Variants in BICRA observed in about 807,000 individuals in gnomAD.
The protein encoded by BICRA is BRD4 interacting chromatin remodeling complex associated protein.
A neutral mutation model predicts 96.9 loss-of-function variants in BICRA; 31 were observed. The observed-to-expected ratio is 0.32, with a 90% CI of 0.24 to 0.43. BICRA has a LOEUF of 0.43. Ranked by LOEUF, BICRA falls within the 20% of genes least tolerant of loss-of-function variation. The pLI is 1.00. For synonymous variants in BICRA, 1,350 were observed against 1,071.8 expected (o/e 1.26, Z -5.07); for missense variants, 2,283 against 2,190.3 (o/e 1.04, Z -0.84).
intron 11 of BICRA, among the ~76,000 whole-genome samples, chr19:47,697,997 G>T (rs965495910): frequency 6.6e-6 from 1 of 152,230 alleles, no homozygotes; most frequent in African/African-American, 2.4e-5. Context: ...GTGAGCCTCT[G>T]CTTGGCCTAG....
Position 47,701,765 on chromosome 19 carries a change from C to A in BICRA, c.4033C>A (p.Pro1345Thr), listed in dbSNP as rs746050007. The change falls in exon 15 of 15, where the codon CCC becomes ACC. Residue 1345 changes from proline to threonine, a missense_variant. Physicochemically the swap from Pro to Thr is conservative, Grantham distance 38 (BLOSUM62 -1). Transcript: ENST00000594866. The surrounding 1 kb of genome is among the most constrained non-coding windows in gnomAD (Gnocchi z 5.4). Reference sequence around the variant, plus strand: ...CCCCGCTACCCTCAAGGTGGCCGAGCCCCCGCCACGGCCGCCACCACCACC... The same window carrying A: ...CCCCGCTACCCTCAAGGTGGCCGAGACCCCGCCACGGCCGCCACCACCACC... ...PPPATLKVAEPPPRPPPPPPP... is the reference protein window; with the variant it reads ...PPPATLKVAETPPRPPPPPPP... 2 of 1,537,284 alleles carry A rather than the reference C, an allele frequency of 1.3e-6. No homozygotes were observed. Among genetic ancestry groups the A allele is most frequent in the African/African-American group, 2.8e-5 (2 of 72,586 alleles).
At chr19:47,700,087 G>C (rs1162113945) in intron 14 of BICRA, 2 of 152,562 alleles carry the variant, frequency 1.3e-5, no homozygotes, top group East Asian at 3.9e-4. Flanking sequence ...GGGTAGGAGA[G>C]GAAGGGTAGT....
In BICRA at chr19:47,675,981, A is replaced by C; in HGVS notation, c.150+65A>C. 3 of 1,130,404 alleles carry C rather than the reference A, an allele frequency of 2.7e-6. No individual in the cohort carries two copies. The highest frequency in any genetic ancestry group is 3.9e-6 in the Non-Finnish European group (3 of 777,516). The allele number at this position is 1,130,404 out of a possible 1,614,324, so 70.0% of individuals were successfully genotyped here. ...GGCTGCCAGCGGGAGGAGGGCCCTG[A>C]AGCCAAGAGGGGAGGCTTGGGCTCA... On this transcript the variant is annotated intron_variant, in intron 5 of 14. Transcript: ENST00000594866. The surrounding 1 kb of genome is among the most constrained non-coding windows in gnomAD (Gnocchi z 4.7).
At chr19:47,663,093 T>C (rs532647188) in intron 1 of BICRA, 32 of 152,298 alleles carry the variant, frequency 2.1e-4, no homozygotes, top group African/African-American at 6.5e-4. Flanking sequence ...TGAAGAGTTA[T>C]GAAGAGTACA....
intron 1 of BICRA, among the ~76,000 whole-genome samples, chr19:47,625,061 G>A (rs777911824): frequency 3.6e-4 from 49 of 136,818 alleles, no homozygotes; most frequent in Admixed American, 1.8e-3. Flanking sequence ...GTGCAGTGAC[G>A]TGATCTCAGC....
chr19:47,695,426 T>C lies in BICRA; in HGVS notation c.3138T>C (p.Asn1046=), dbSNP rs1599866935. The C allele has an allele frequency of 1.3e-6, 2 of 1,515,810 alleles. No individual in the cohort carries two copies. The highest frequency in any genetic ancestry group is 2.7e-5 in the East Asian group (1 of 37,580). The allele number at this position is 1,515,810 out of a possible 1,614,324, so 93.9% of individuals were successfully genotyped here. The change falls in exon 10 of 15, where the codon AAT becomes AAC. Residue 1046 remains asparagine (N), a synonymous_variant. Transcript: ENST00000594866. ...TTGCCAGCAACCTCCCGACCCTGAATGTGGCCAAGGCCGCTTCCTCCGGGC... is the reference window on the plus strand; with the variant it reads ...TTGCCAGCAACCTCCCGACCCTGAACGTGGCCAAGGCCGCTTCCTCCGGGC... ...KAFASNLPTL[N]VAKAASSGPG...
intron 1 of BICRA, among the ~76,000 whole-genome samples, chr19:47,622,092 G>A (rs748170712): frequency 7.3e-5 from 11 of 151,644 alleles, no homozygotes; most frequent in Non-Finnish European, 1.2e-4. Flanking sequence ...TCAGCCTCCC[G>A]AGTAGCTGGG....
At position 47,679,919 on chromosome 19, in the gene BICRA, C is replaced by G. The variant is rs1276568723; in HGVS notation, c.749C>G (p.Ser250Cys). ...QPVMALNTPT[S>C]QLLAKQVPVS... ...GTCATGGCGCTCAACACGCCCACCT[C>G]CCAGCTCCTGGCCAAGCAGGTGCCC... The change falls in exon 6 of 15, where the codon TCC (serine) becomes TGC (cysteine). Residue 250 changes from serine to cysteine, a missense_variant. Physicochemically the swap from Ser to Cys is moderately radical, Grantham distance 112. Coordinates refer to ENST00000594866, the MANE Select transcript of BICRA (RefSeq NM_001394372.1). The G allele has an allele frequency of 6.6e-7, 1 of 1,520,486 alleles. No homozygotes were observed. The highest frequency in any genetic ancestry group is 8.8e-7 in the Non-Finnish European group (1 of 1,140,564). 94.2% of individuals were successfully genotyped at this position (1,520,486 alleles called of 1,614,324 possible). A position where few individuals can be genotyped will look rare whatever the true frequency, so the allele number is the denominator to read the frequency against.
intron 7 of BICRA, among the ~76,000 whole-genome samples, chr19:47,690,163 A>G (rs1973219862): frequency 6.6e-6 from 1 of 151,680 alleles, no homozygotes; most frequent in Non-Finnish European, 1.5e-5. Context: ...CACCATGCCC[A>G]GCTAATTTTT....
intron 1 of BICRA, among the ~76,000 whole-genome samples, chr19:47,617,075 G>T (rs554028937): frequency 1.6e-5 from 1 of 63,446 alleles, no homozygotes; most frequent in Admixed American, 2.0e-4. Flanking sequence ...CAATCCACCC[G>T]CCTCAGCTTC....
intron 1 of BICRA, among the ~76,000 whole-genome samples, chr19:47,645,364 G>C (rs1160456579): frequency 6.6e-6 from 1 of 152,194 alleles, no homozygotes; most frequent in Non-Finnish European, 1.5e-5. Context: ...GGAATTTCCA[G>C]AGCCTGTGTT....
intron 1 of BICRA, among the ~76,000 whole-genome samples, chr19:47,656,069 GAC>G (rs60179476): frequency 0.23 from 30,416 of 131,946 alleles, 3,443 homozygotes; most frequent in Non-Finnish European, 0.28. Context: ...ATCCTGTCTC[GAC>G]ACACACACAC....
intron 5 of BICRA, 132 bp from the exon 6 acceptor site, chr19:47,679,189 C>G: frequency 1.8e-6 from 1 of 557,950 alleles, no homozygotes; most frequent in East Asian, 3.4e-5. Flanking sequence ...GCGTGAACCA[C>G]CATGCCAGGA....
At position 47,642,707 on chromosome 19, in the gene BICRA, GAAAAGAAAAAAGA is replaced by G. The variant is rs371832146; in HGVS notation, c.-107-27720_-107-27708del. On this transcript the variant is annotated intron_variant, in intron 1 of 14. Coordinates refer to ENST00000594866, the MANE Select transcript of BICRA (RefSeq NM_001394372.1). ...ACAAAGTGAGACCCTGTCTCAAAAA[GAAAAGAAAAAAGA>G]AAAAGAAAAAAGAAAGAAAGTGCCA... Among the ~76,000 whole-genome samples the G allele has an allele frequency of 3.3e-4, 50 of 151,638 alleles. 1 individual carries two copies. The highest frequency in any genetic ancestry group is 5.6e-4 in the African/African-American group (23 of 41,362).
At chr19:47,692,613 TC>T (rs1221512451) in intron 7 of BICRA, among the ~76,000 whole-genome samples, 1 of 152,164 alleles carries the variant, frequency 6.6e-6, no homozygotes, top group Non-Finnish European at 1.5e-5. Flanking sequence ...CAAGCTGCCT[TC>T]CAGGAGGCAG....
chr19:47,631,295 T>C (rs1341164545), intron 1 of BICRA, among the ~76,000 whole-genome samples: 6 of 152,252 alleles, frequency 3.9e-5, no homozygotes, highest in African/African-American at 1.4e-4. Context: ...TGGCGCAATC[T>C]TGGCTCACTG....
intron 7 of BICRA, among the ~76,000 whole-genome samples, chr19:47,685,649 G>GT (rs1216550672): frequency 2.0e-5 from 3 of 152,002 alleles, no homozygotes; most frequent in Admixed American, 2.0e-4. Flanking sequence ...CTTACTGTTT[G>GT]TAAGAATAGT....
intron 1 of BICRA, among the ~76,000 whole-genome samples, chr19:47,643,734 C>T (rs187034368): frequency 5.3e-5 from 8 of 152,268 alleles, no homozygotes; most frequent in Admixed American, 4.6e-4. Context: ...TTTGCCATAT[C>T]GGGCTCTGGA....
At position 47,702,384 on chromosome 19, in the gene BICRA, G is replaced by A. The variant is rs1241095067; in HGVS notation, c.4652G>A (p.Gly1551Asp). Residue 1551 changes from glycine to aspartate, a missense_variant, in exon 15 of 15, where the codon GGT becomes GAT. By Grantham distance (94) the Gly-to-Asp change is moderately conservative. Coordinates refer to ENST00000594866, the MANE Select transcript of BICRA (RefSeq NM_001394372.1). The part of the protein sequence containing the change: ...PEAYPPSSHN[G>D]GLGARTLTR The stretch of plus-strand genomic sequence containing the variant: ...GCCTACCCACCCTCCAGTCACAACG[G>A]TGGCCTCGGCGCCAGGACGTTGACC... The A allele has an allele frequency of 2.0e-6, 3 of 1,519,114 alleles. No individual in the cohort carries two copies. The highest frequency in any genetic ancestry group is 1.4e-5 in the African/African-American group (1 of 69,770). 94.1% of individuals were successfully genotyped at this position (1,519,114 alleles called of 1,614,324 possible). A position where few individuals can be genotyped will look rare whatever the true frequency, so the allele number is the denominator to read the frequency against.
Sources: allele counts gnomAD v4.1 joint callset (sites outside exome capture counted in the v4.1 genomes callset), GRCh38; gene constraint gnomAD v4.1.1; non-coding constraint Gnocchi (gnomAD v3.1); transcripts MANE v1.5; gene names NCBI Gene and HGNC (gene_info 2026-07-23, HGNC 2026-07-21).